The following EPHA2 variants were observed in gnomAD, a reference collection of about 807,000 sequenced individuals.
EPHA2 encodes EPH receptor A2, also known as ephrin type-A receptor 2.
In EPHA2, 54 loss-of-function variants were observed where a neutral mutation model predicts 104.9. The observed-to-expected ratio is 0.51, with a 90% CI of 0.41 to 0.65. The LOEUF is 0.65. Ranked by LOEUF, EPHA2 falls within the 30% of genes least tolerant of loss-of-function variation. EPHA2 has a pLI of 0.00. For missense variants in EPHA2, 1,117 were observed against 1,369.5 expected (o/e 0.82, Z 2.91); for synonymous variants, 560 against 559.1 (o/e 1.00, Z -0.02).
intron 11 of EPHA2, chr1:16,132,906 G>A (rs911916025): frequency 1.3e-5 from 7 of 534,914 alleles, no homozygotes; most frequent in Non-Finnish European, 2.3e-5. Flanking sequence ...CAGGTATCGG[G>A]GAGAGGTGGG....
rs2025011780 is a variant in EPHA2 at position 16,150,338 on chromosome 1, G to GGT, written c.153+557_153+558insAC. Among the ~76,000 whole-genome samples the GGT allele has an allele frequency of 6.6e-6, 1 of 152,132 alleles. No homozygotes were observed. Among genetic ancestry groups the GGT allele is most frequent in the Non-Finnish European group, 1.5e-5 (1 of 68,016 alleles). On this transcript the variant is annotated intron_variant, in intron 2 of 16. Transcript: ENST00000358432. This position sits in a 1 kb window ranked among gnomAD's most constrained non-coding sequence, Gnocchi z 4.8. ...GCCAGGGGAAGAACCCCCAGCCCCTGCCCCCATTCCTGGTCACATCAGGAC... is the reference window on the plus strand; with the variant it reads ...GCCAGGGGAAGAACCCCCAGCCCCTGGTCCCCCATTCCTGGTCACATCAGGAC...
rs747921529 is a variant in EPHA2 at position 16,129,577 on chromosome 1, C to T, written c.2682G>A (p.Arg894=). 51 of 1,611,238 alleles carry T rather than the reference C, an allele frequency of 3.2e-5. No homozygotes were observed. In the South Asian group the frequency reaches 5.1e-4, roughly 16 times the overall value. ...LADFDPRVSI[R]LPSTSGSEGV... ...CCTCCGAGCCGCTCGTGCTGGGGAG[C>T]CGGATAGACACGCTGCAACAGGAAG... is the stretch of plus-strand genomic sequence containing the variant. Residue 894 remains arginine (R), a synonymous_variant, in exon 16 of 17, where the codon CGG becomes CGA. Coordinates refer to ENST00000358432, the MANE Select transcript of EPHA2 (RefSeq NM_004431.5).
rs1570394691 is a variant in EPHA2, at chr1:16,128,913, T to C, written c.2825+521A>G. Among the ~76,000 whole-genome samples the C allele has an allele frequency of 6.6e-6, 1 of 152,006 alleles. No homozygotes were observed. The highest frequency in any genetic ancestry group is 1.5e-5 in the Non-Finnish European group (1 of 67,976). On this transcript the variant is annotated intron_variant, in intron 16 of 16. Transcript: ENST00000358432. This position sits in a 1 kb window ranked among gnomAD's most constrained non-coding sequence, Gnocchi z 4.7. Reference sequence around the variant, plus strand: ...GGAGAAGACTGCCCCAAACTGGCTGTGTGACCTCAGGCAAGCCGGTAACAT... The same window carrying C: ...GGAGAAGACTGCCCCAAACTGGCTGCGTGACCTCAGGCAAGCCGGTAACAT...
chr1:16,145,603 G>C (rs1262107922), intron 3 of EPHA2, among the ~76,000 whole-genome samples: 3 of 152,096 alleles, frequency 2.0e-5, no homozygotes. Context: ...GGCAGACCCT[G>C]TGCCTCCCTC....
intron 3 of EPHA2, among the ~76,000 whole-genome samples, chr1:16,138,675 G>A (rs2024767002): frequency 6.6e-6 from 1 of 152,180 alleles, no homozygotes; most frequent in Non-Finnish European, 1.5e-5. Context: ...ACTCCCCACT[G>A]GCTCCTGCAA....
chr1:16,132,448 G>A lies in EPHA2; in HGVS notation c.2054-9C>T, dbSNP rs1268844995. The A allele has an allele frequency of 1.2e-6, 2 of 1,613,734 alleles. No individual in the cohort carries two copies. The highest frequency in any genetic ancestry group is 2.2e-5 in the South Asian group (2 of 91,062). ...GATCATCATGGGCTTGTCTGTAGGG[G>A]GGTGGGCACAGGTGAGAGGTAAGTG... On this transcript the variant is annotated splice_polypyrimidine_tract_variant and intron_variant, in intron 11 of 16. Transcript: ENST00000358432.
chr1:16,143,323 G>A (rs2024864203), intron 3 of EPHA2, among the ~76,000 whole-genome samples: 1 of 152,032 alleles, frequency 6.6e-6, no homozygotes, highest in South Asian at 2.1e-4. Flanking sequence ...TGTGAAATAT[G>A]CACTCCAGGG....
chr1:16,131,887 C>A lies in EPHA2; in HGVS notation c.2326-17G>T. On this transcript the variant is annotated splice_polypyrimidine_tract_variant and intron_variant, in intron 13 of 16. Coordinates refer to ENST00000358432, the MANE Select transcript of EPHA2 (RefSeq NM_004431.5). This position sits in a 1 kb window ranked among gnomAD's most constrained non-coding sequence, Gnocchi z 5.2. ...CTTGCCGCCCTGCAGGGAACCCAGG[C>A]CCAGTCACCACTGTGCCCTCTGGCT... The A allele has an allele frequency of 6.2e-7, 1 of 1,612,676 alleles. No homozygotes were observed. Among genetic ancestry groups the A allele is most frequent in the Middle Eastern group, 1.7e-4 (1 of 6,054 alleles).
Position 16,148,958 on chromosome 1 carries a change from G to A in EPHA2, c.243C>T (p.Leu81=), listed in dbSNP as rs376723059. 5 of 1,614,006 alleles carry A rather than the reference G, an allele frequency of 3.1e-6. No homozygotes were observed. In the African/African-American group the frequency reaches 5.3e-5, roughly 17 times the overall value. ...CTCCTCGGTACACCCAGTTGGTGCG[G>A]AGCCAGTTGTCCTGGTCGCCAGACA... ...NVMSGDQDNW[L]RTNWVYRGEA... The change falls in exon 3 of 17, where the codon CTC becomes CTT. Residue 81 remains leucine (L), a synonymous_variant. Coordinates refer to ENST00000358432, the MANE Select transcript of EPHA2 (RefSeq NM_004431.5). The surrounding 1 kb of genome is among the most constrained non-coding windows in gnomAD (Gnocchi z 4.9).
At position 16,131,441 on chromosome 1, in the gene EPHA2, G is replaced by A. The variant is rs978850328; in HGVS notation, c.2475+280C>T. The stretch of plus-strand genomic sequence containing the variant: ...CTAAAAATACAAAAATTAGCTGGGT[G>A]TGGTGGCGCATGCCTGTAATCCCAG... On this transcript the variant is annotated intron_variant, in intron 14 of 16. Coordinates refer to ENST00000358432, the MANE Select transcript of EPHA2 (RefSeq NM_004431.5). The surrounding 1 kb of genome is among the most constrained non-coding windows in gnomAD (Gnocchi z 5.2). Among the ~76,000 whole-genome samples, 3 of 152,188 alleles carry A rather than the reference G, an allele frequency of 2.0e-5. No individual in the cohort carries two copies. The highest frequency in any genetic ancestry group is 1.9e-4 in the East Asian group (1 of 5,184).
At position 16,135,105 on chromosome 1, in the gene EPHA2, C is replaced by T; in HGVS notation, c.1513G>A (p.Val505Ile). Residue 505 changes from valine to isoleucine, a missense_variant, in exon 7 of 17, where the codon GTC (valine) becomes ATC (isoleucine). Physicochemically the swap from Val to Ile is conservative, Grantham distance 29 (BLOSUM62 3). This residue lies in a region of EPHA2 where 664 missense variants were observed against 784.8 expected (regional missense o/e 0.85). Transcript: ENST00000358432. This position sits in a 1 kb window ranked among gnomAD's most constrained non-coding sequence, Gnocchi z 4.3. ...TCCTGCGTCAGTGCCTGCACCTGGA[C>T]CAGGTAGGTGGTGTCTGGGGCCAGG... is the stretch of plus-strand genomic sequence containing the variant. Reference protein sequence around the residue: ...DDLAPDTTYLVQVQALTQEGQ... With the variant: ...DDLAPDTTYLIQVQALTQEGQ... 1 of 1,613,942 alleles carries T rather than the reference C, an allele frequency of 6.2e-7. No homozygotes were observed. Among genetic ancestry groups the T allele is most frequent in the Non-Finnish European group, 8.5e-7 (1 of 1,180,028 alleles).
At chr1:16,136,713 AAAGAAGAAGAAGAAGAAGAAGAAGAAG>A (rs202150956) in intron 5 of EPHA2, among the ~76,000 whole-genome samples, 5 of 102,734 alleles carry the variant, frequency 4.9e-5, no homozygotes, top group Non-Finnish European at 8.8e-5. Context: ...AAGAAGAAGA[AAAGAAGAAGAAGAAGAAGAAGAAGAAG>A]AAGAAGAAGA....
chr1:16,148,581 C>A lies in EPHA2; in HGVS notation c.620G>T (p.Gly207Val). Residue 207 changes from glycine (G) to valine (V), a missense_variant, in exon 3 of 17, where the codon GGC becomes GTC. Gly to Val is a moderately radical substitution (Grantham distance 109). Coordinates refer to ENST00000358432, the MANE Select transcript of EPHA2 (RefSeq NM_004431.5). This position sits in a 1 kb window ranked among gnomAD's most constrained non-coding sequence, Gnocchi z 4.9. ...GATGGTCTCAGGGAAGTGGGCCAGGCCCTGCAGCAGCTCGGGGCACTTCTT... is the reference window on the plus strand; with the variant it reads ...GATGGTCTCAGGGAAGTGGGCCAGGACCTGCAGCAGCTCGGGGCACTTCTT... ...YYKKCPELLQGLAHFPETIAG... is the reference protein window; with the variant it reads ...YYKKCPELLQVLAHFPETIAG... The A allele has an allele frequency of 1.2e-6, 2 of 1,611,442 alleles. No individual in the cohort carries two copies. The highest frequency in any genetic ancestry group is 1.7e-6 in the Non-Finnish European group (2 of 1,179,990).
In EPHA2 at chr1:16,148,806, G is replaced by T; in HGVS notation, c.395C>A (p.Thr132Asn). The change falls in exon 3 of 17, where the codon ACC becomes AAC. Residue 132 changes from threonine (T) to asparagine (N), a missense_variant. Thr to Asn is a moderately conservative substitution (Grantham distance 65). Transcript: ENST00000358432. The surrounding 1 kb of genome is among the most constrained non-coding windows in gnomAD (Gnocchi z 4.9). ...GGTGAACAGGCGCTTCTGGAAGTTG[G>T]TGCCGTAGTCCAGGTCCGACTCGGC... Reference protein sequence around the residue: ...YYAESDLDYGTNFQKRLFTKI... With the variant: ...YYAESDLDYGNNFQKRLFTKI... 1 of 1,614,154 alleles carries T rather than the reference G, an allele frequency of 6.2e-7. No individual in the cohort carries two copies. The highest frequency in any genetic ancestry group is 8.5e-7 in the Non-Finnish European group (1 of 1,180,054).
At chr1:16,154,549 T>C (rs1158912100) in intron 1 of EPHA2, among the ~76,000 whole-genome samples, 4 of 149,148 alleles carry the variant, frequency 2.7e-5, no homozygotes, top group Non-Finnish European at 5.9e-5. Flanking sequence ...AGGTCAGGAG[T>C]TCAGAATCAG....
At position 16,150,267 on chromosome 1, in the gene EPHA2, C is replaced by T. The variant is rs2025010288; in HGVS notation, c.153+629G>A. On this transcript the variant is annotated intron_variant, in intron 2 of 16. Transcript: ENST00000358432. The surrounding 1 kb of genome is among the most constrained non-coding windows in gnomAD (Gnocchi z 4.8). ...CATTGTATAGAGAGGGAAACTGAGGCCCCGAGAGCCACATCTTCCCCAAGA... is the reference window on the plus strand; with the variant it reads ...CATTGTATAGAGAGGGAAACTGAGGTCCCGAGAGCCACATCTTCCCCAAGA... Among the ~76,000 whole-genome samples the T allele has an allele frequency of 6.6e-6, 1 of 151,992 alleles. No individual in the cohort carries two copies. Among genetic ancestry groups the T allele is most frequent in the South Asian group, 2.1e-4 (1 of 4,822 alleles).
intron 15 of EPHA2, among the ~76,000 whole-genome samples, 154 bp from the exon 16 acceptor site, chr1:16,129,743 A>C (rs113362026): frequency 1.3e-5 from 2 of 152,122 alleles, no homozygotes; most frequent in African/African-American, 4.8e-5. Flanking sequence ...GTAGGGTTCA[A>C]TGAGACCTCC....
At position 16,124,922 on chromosome 1, in the gene EPHA2, T is replaced by C. The variant is rs1428056611; in HGVS notation, c.*293A>G. Reference sequence around the variant, plus strand: ...AAGGTCGGCTTGGGAATATCCCATATGTCTGTCCGAAGGCTGTGGCGGGGC... The same window carrying C: ...AAGGTCGGCTTGGGAATATCCCATACGTCTGTCCGAAGGCTGTGGCGGGGC... On this transcript the variant is annotated 3_prime_UTR_variant, in exon 17 of 17. Coordinates refer to ENST00000358432, the MANE Select transcript of EPHA2 (RefSeq NM_004431.5). 2 of 439,122 alleles carry C rather than the reference T, an allele frequency of 4.6e-6. No homozygotes were observed. Among genetic ancestry groups the C allele is most frequent in the African/African-American group, 4.0e-5 (2 of 50,246 alleles). The allele number at this position is 439,122 out of a possible 1,614,324, so 27.2% of individuals were successfully genotyped here.
At chr1:16,146,498 C>T (rs12409704) in intron 3 of EPHA2, 44,199 of 152,216 alleles carry the variant, frequency 0.29, 6,964 homozygotes, top group Middle Eastern at 0.46. Context: ...GTGGGAGGAG[C>T]CTGCTCGCCC....
Sources: allele counts gnomAD v4.1 joint callset (sites outside exome capture counted in the v4.1 genomes callset), GRCh38; gene constraint gnomAD v4.1.1; regional missense constraint gnomAD v4.1.1; non-coding constraint Gnocchi (gnomAD v3.1); transcripts MANE v1.5; gene names NCBI Gene and HGNC (gene_info 2026-07-23, HGNC 2026-07-21).